The following C9orf78 variants were observed in gnomAD, a reference collection of about 807,000 sequenced individuals.
The protein encoded by C9orf78 is splicing factor C9orf78.
A neutral mutation model predicts 37.4 loss-of-function variants in C9orf78; 19 were observed. The ratio of observed to expected loss-of-function variants is 0.51; its 90% CI spans 0.35 to 0.74. C9orf78 has a LOEUF of 0.74. C9orf78 is among the 30% of genes least tolerant of loss of function. The pLI, the probability that C9orf78 is intolerant of heterozygous loss-of-function variation, is 0.01. For missense variants in C9orf78, 291 were observed against 370.8 expected, an observed-to-expected ratio of 0.78 and a Z score of 1.77; for synonymous variants, 130 against 128.0, an observed-to-expected ratio of 1.02 and a Z score of -0.10.
At chr9:129,833,835 AGG>A in intron 2 of C9orf78, 126 bp from the exon 3 acceptor site, 1 of 674,332 alleles carries the variant, frequency 1.5e-6, no homozygotes, top group Non-Finnish European at 2.6e-6. Flanking sequence ...AGGGGTGGGT[AGG>A]CAAGCCGGCT....
chr9:129,828,402 C>A, intron 8 of C9orf78, 150 bp from the exon 9 acceptor site: 4 of 507,414 alleles, frequency 7.9e-6, no homozygotes, highest in East Asian at 3.5e-5. Flanking sequence ...TCAGTAGATA[C>A]GTATTTGTCT....
intron 8 of C9orf78, 52 bp from the exon 9 acceptor site, chr9:129,828,304 T>C (rs772993250): frequency 9.5e-7 from 1 of 1,050,952 alleles, no homozygotes; most frequent in Non-Finnish European, 1.5e-6. Flanking sequence ...AACCCACTGC[T>C]AGACTTTACT....
chr9:129,828,365 G>A (rs2031399220), intron 8 of C9orf78, 113 bp from the exon 9 acceptor site: 3 of 691,354 alleles, frequency 4.3e-6, no homozygotes, highest in African/African-American at 1.8e-5. Context: ...GAGCCCCAGC[G>A]CCTAACCCAG....
intron 6 of C9orf78, 59 bp downstream of exon 6, chr9:129,830,812 T>G: frequency 8.1e-7 from 1 of 1,229,940 alleles, no homozygotes; most frequent in Non-Finnish European, 1.2e-6. Context: ...GCCTGGCCTG[T>G]CCCCCATAAC....
At chr9:129,830,146 T>C (rs2031453527) in intron 6 of C9orf78, 1 of 152,710 alleles carries the variant, frequency 6.5e-6, no homozygotes, top group Non-Finnish European at 1.5e-5. Context: ...GATAAGAACA[T>C]GGGGTCTCAT....
chr9:129,828,748 AAAG>A, intron 8 of C9orf78: 1 of 246,408 alleles, frequency 4.1e-6, no homozygotes, highest in South Asian at 4.6e-5. Context: ...TCTTTAAAAA[AAAG>A]ATGTGGTCTC....
In C9orf78 at chr9:129,835,207, C is replaced by T. The variant is rs753708289; in HGVS notation, c.15G>A (p.Arg5=). 6.8e-6 allele frequency: 11 copies of T among 1,610,142 alleles called. No individual in the cohort carries two copies. Among genetic ancestry groups the T allele is most frequent in the South Asian group, 6.6e-5 (6 of 91,010 alleles). The change falls in exon 1 of 9, where the codon CGG becomes CGA. Residue 5 remains arginine, a synonymous_variant. Coordinates refer to ENST00000372447, the MANE Select transcript of C9orf78 (RefSeq NM_016520.3). ...CGCCCCGGCGGCGACGGAAAATCTT[C>T]CGGACGACCGGCATGGTGACAACGG... is the stretch of plus-strand genomic sequence containing the variant. MPVV[R]KIFRRRRGDS...
Position 129,829,415 on chromosome 9 carries a change from C to A in C9orf78, c.669G>T (p.Gln223His), listed in dbSNP as rs1349942754. ...CTCCGAGGGGCTTACATCTGTTGTGCTGCACATAATTCACAGCCATGTTGG... is the reference window on the plus strand; with the variant it reads ...CTCCGAGGGGCTTACATCTGTTGTGATGCACATAATTCACAGCCATGTTGG... ...VPTNMAVNYV[Q>H]HNRFYHEELN... Residue 223 changes from glutamine (Q) to histidine (H), a missense_variant, in exon 7 of 9, where the codon CAG (glutamine) becomes CAT (histidine). By Grantham distance (24) the Gln-to-His change is conservative. Coordinates refer to ENST00000372447, the MANE Select transcript of C9orf78 (RefSeq NM_016520.3). 1 of 1,613,998 alleles carries A rather than the reference C, an allele frequency of 6.2e-7. No homozygotes were observed. Among genetic ancestry groups the A allele is most frequent in the Non-Finnish European group, 8.5e-7 (1 of 1,179,998 alleles).
At chr9:129,832,624 C>G (rs118076137) in intron 4 of C9orf78, among the ~76,000 whole-genome samples, 3 of 152,012 alleles carry the variant, frequency 2.0e-5, no homozygotes, top group African/African-American at 7.2e-5. Context: ...TTTTTAATAG[C>G]GACAGTGTTT....
chr9:129,833,546 A>C, intron 3 of C9orf78, 29 bp from the exon 4 acceptor site: 1 of 1,547,492 alleles, frequency 6.5e-7, no homozygotes, highest in Non-Finnish European at 8.9e-7. Context: ...GTTAAGAGGA[A>C]GCATCTAAAT....
chr9:129,829,500 G>A lies in C9orf78; in HGVS notation c.584C>T (p.Ala195Val). 1 of 1,613,512 alleles carries A rather than the reference G, an allele frequency of 6.2e-7. No individual in the cohort carries two copies. Among genetic ancestry groups the A allele is most frequent in the Non-Finnish European group, 8.5e-7 (1 of 1,179,468 alleles). Residue 195 changes from alanine (A) to valine (V), a missense_variant, in exon 7 of 9, where the codon GCC (alanine) becomes GTC (valine). Physicochemically the swap from Ala to Val is moderately conservative, Grantham distance 64. Around this residue, in one of 3 missense-constraint regions of C9orf78, gnomAD observed 120 missense variants for 148.7 expected, o/e 0.81. Coordinates refer to ENST00000372447, the MANE Select transcript of C9orf78 (RefSeq NM_016520.3). ...GTTCTGCTGCTCTGCCAGCAGACGG[G>A]CCTTGGCATCCTCCGTGGAAATGAT... ...KNIISTEDAK[A>V]RLLAEQQNKK...
intron 8 of C9orf78, chr9:129,828,663 TCTGCCTGC>T (rs1446654749): frequency 1.4e-5 from 3 of 219,678 alleles, no homozygotes; most frequent in African/African-American, 7.0e-5. Flanking sequence ...CCTTAGGTGA[TCTGCCTGC>T]CTCTGCCTCC....
chr9:129,828,135 G>A lies in C9orf78; in HGVS notation c.*26C>T, dbSNP rs367736748. ...GGGAGGGATATAGGGAGAGGAAGGC[G>A]ATATTTACATCCCACTCTGCACAAC... On this transcript the variant is annotated 3_prime_UTR_variant, in exon 9 of 9. Transcript: ENST00000372447. 18 of 1,330,740 alleles carry A rather than the reference G, an allele frequency of 1.4e-5. No individual in the cohort carries two copies. The highest frequency in any genetic ancestry group is 5.8e-5 in the African/African-American group (4 of 69,268). The allele number at this position is 1,330,740 out of a possible 1,614,324, so 82.4% of individuals were successfully genotyped here.
Position 129,831,011 on chromosome 9 carries a change from TTCC to T in C9orf78, c.399_401del (p.Glu134del). 2 of 1,613,612 alleles carry T rather than the reference TTCC, an allele frequency of 1.2e-6. No individual in the cohort carries two copies. Among genetic ancestry groups the T allele is most frequent in the Middle Eastern group, 1.7e-4 (1 of 6,060 alleles). ...CTGCATTCTTTGGCTTAACTTTCTG[TTCC>T]TCATGTTCCACGATCCCTTTCCTCT... On this transcript the variant is annotated inframe_deletion, in exon 6 of 9. Transcript: ENST00000372447.
rs756791022 is a variant in C9orf78 at position 129,829,393 on chromosome 9, C to T, written c.679+12G>A. Reference sequence around the variant, plus strand: ...GGGGAATGGGGGCAAGACTGCTCTCCGAGGGGCTTACATCTGTTGTGCTGC... The same window carrying T: ...GGGGAATGGGGGCAAGACTGCTCTCTGAGGGGCTTACATCTGTTGTGCTGC... On this transcript the variant is annotated intron_variant, in intron 7 of 8. Transcript: ENST00000372447. 10 of 1,612,368 alleles carry T rather than the reference C, an allele frequency of 6.2e-6. 1 individual carries two copies. The South Asian group carries it at 7.7e-5, about 12-fold the overall frequency.
At chr9:129,828,398 G>C in intron 8 of C9orf78, 146 bp from the exon 9 acceptor site, 1 of 564,192 alleles carries the variant, frequency 1.8e-6, no homozygotes, top group Admixed American at 3.1e-5. Flanking sequence ...GGCCTCAGTA[G>C]ATACGTATTT....
chr9:129,830,342 C>T (rs1207718691), intron 6 of C9orf78: 2 of 161,652 alleles, frequency 1.2e-5, no homozygotes, highest in Non-Finnish European at 2.7e-5. Context: ...AGCCTCAACT[C>T]CTGAGCTCAA....
rs767228484 is a variant in C9orf78, at chr9:129,830,616, C to T, written c.542+255G>A. The stretch of plus-strand genomic sequence containing the variant: ...GCAACCTCCACCTTCAGGGTTCAAG[C>T]AATTTCCTGCCTCAGCCTCCCAAGT... On this transcript the variant is annotated intron_variant, in intron 6 of 8. Transcript: ENST00000372447. 415 of 448,592 alleles carry T rather than the reference C, an allele frequency of 9.3e-4. 5 individuals are homozygous for T. The highest frequency in any genetic ancestry group is 4.1e-4 in the Admixed American group (12 of 29,002). The allele number at this position is 448,592 out of a possible 1,614,324, so 27.8% of individuals were successfully genotyped here.
At position 129,835,239 on chromosome 9, in the gene C9orf78, T is replaced by G. The variant is rs1026020421; in HGVS notation, c.-18A>C. 1 of 1,589,116 alleles carries G rather than the reference T, an allele frequency of 6.3e-7. No individual in the cohort carries two copies. Among genetic ancestry groups the G allele is most frequent in the Non-Finnish European group, 8.6e-7 (1 of 1,165,460 alleles). On this transcript the variant is annotated 5_prime_UTR_variant, in exon 1 of 9. Transcript: ENST00000372447. ...ACCGGCATGGTGACAACGGCCGAGT[T>G]GTACAGCCGCCGCGCCTCTGCGCAG... is the stretch of plus-strand genomic sequence containing the variant.
Sources: allele counts gnomAD v4.1 joint callset (sites outside exome capture counted in the v4.1 genomes callset), GRCh38; gene constraint gnomAD v4.1.1; regional missense constraint gnomAD v4.1.1; transcripts MANE v1.5; gene names NCBI Gene and HGNC (gene_info 2026-07-23, HGNC 2026-07-21).